The following FOXK2 variants were observed in gnomAD, a reference collection of about 807,000 sequenced individuals.
FOXK2 encodes the protein forkhead box K2, also known as forkhead box protein K2.
In FOXK2, 24 loss-of-function variants were observed where a neutral mutation model predicts 53.3. The ratio of observed to expected loss-of-function variants is 0.45; its 90% CI spans 0.33 to 0.63. FOXK2 has a LOEUF of 0.63. FOXK2 is among the 30% of genes least tolerant of loss of function. The pLI, the probability that FOXK2 is intolerant of heterozygous loss-of-function variation, is 0.03. For synonymous variants in FOXK2, 505 were observed against 407.1 expected (o/e 1.24, Z -2.89); for missense variants, 952 against 910.5 (o/e 1.05, Z -0.59).
In FOXK2 at chr17:82,558,177, G is replaced by A. The variant is rs376874720; in HGVS notation, c.420-5177G>A. 4.2e-4 allele frequency among the ~76,000 whole-genome samples: 64 copies of A among 152,134 alleles called. 1 individual carries two copies. The highest frequency in any genetic ancestry group is 1.5e-3 in the African/African-American group (64 of 41,530). ...GGGAGACCTTGTCTCTACAAAAAAT[G>A]ATAATAATAAAAATTAGCTGAACAT... On this transcript the variant is annotated intron_variant, in intron 1 of 8. Transcript: ENST00000335255.
intron 4 of FOXK2, among the ~76,000 whole-genome samples, chr17:82,573,534 ACACT>A (rs148049239): frequency 2.3e-4 from 24 of 103,592 alleles, no homozygotes; most frequent in South Asian, 7.7e-4. Context: ...ATACACACAC[ACACT>A]CTCTCTCTCT....
intron 2 of FOXK2, among the ~76,000 whole-genome samples, chr17:82,566,483 A>T (rs1306550966): frequency 2.0e-5 from 3 of 152,178 alleles, no homozygotes; most frequent in African/African-American, 7.2e-5. Flanking sequence ...TAAGTGTGCA[A>T]GTGGGTAGGC....
chr17:82,572,866 T>C (rs2044933993), intron 4 of FOXK2, among the ~76,000 whole-genome samples: 1 of 152,138 alleles, frequency 6.6e-6, no homozygotes, highest in South Asian at 2.1e-4. Context: ...TTTTTTGTTT[T>C]AACCACAGAT....
intron 3 of FOXK2, among the ~76,000 whole-genome samples, chr17:82,569,373 A>G (rs1403777567): frequency 2.6e-5 from 4 of 152,220 alleles, no homozygotes; most frequent in Non-Finnish European, 4.4e-5. Context: ...TCTAAGTTGT[A>G]TTGTTTAAGG....
chr17:82,601,051 A>AGCTGTTAATAAAAAT, intron 8 of FOXK2: 1 of 467,778 alleles, frequency 2.1e-6, no homozygotes, highest in South Asian at 4.1e-5. Flanking sequence ...CTAATCAGGC[A>AGCTGTTAATAAAAAT]GTTCACTTGC....
chr17:82,587,373 T>C (rs2045198082), intron 8 of FOXK2, 101 bp downstream of exon 8: 4 of 895,330 alleles, frequency 4.5e-6, no homozygotes, highest in Non-Finnish European at 5.4e-6. Flanking sequence ...TTTTAGCTTT[T>C]GTCTGAGGCA....
At chr17:82,551,177 C>T (rs1176182021) in intron 1 of FOXK2, among the ~76,000 whole-genome samples, 7 of 151,808 alleles carry the variant, frequency 4.6e-5, no homozygotes, top group South Asian at 2.1e-4. Context: ...ATTAGCCGGG[C>T]GTGGTGGCGG....
intron 4 of FOXK2, among the ~76,000 whole-genome samples, chr17:82,573,378 G>C (rs1043444317): frequency 6.6e-6 from 1 of 152,014 alleles, no homozygotes; most frequent in Non-Finnish European, 1.5e-5. Flanking sequence ...CAGCAAGGGG[G>C]TATCTCTTAA....
In FOXK2 at chr17:82,520,150, G is replaced by A. The variant is rs2044345126; in HGVS notation, c.262G>A (p.Gly88Ser). 1.3e-6 allele frequency: 2 copies of A among 1,520,700 alleles called. No homozygotes were observed. Among genetic ancestry groups the A allele is most frequent in the South Asian group, 2.5e-5 (2 of 81,142 alleles). 94.2% of individuals were successfully genotyped at this position (1,520,700 alleles called of 1,614,324 possible). A position where few individuals can be genotyped will look rare whatever the true frequency, so the allele number is the denominator to read the frequency against. ...RHLEIFTPPG[G>S]GGHGGAAPEL... ...CCTCGAGATCTTCACGCCCCCGGGC[G>A]GCGGCGGCCATGGCGGGGCCGCTCC... Residue 88 changes from glycine (G) to serine (S), a missense_variant, in exon 1 of 9, where the codon GGC becomes AGC. By Grantham distance (56) the Gly-to-Ser change is moderately conservative. Coordinates refer to ENST00000335255, the MANE Select transcript of FOXK2 (RefSeq NM_004514.4).
At chr17:82,568,882 G>A (rs1020067171) in intron 3 of FOXK2, among the ~76,000 whole-genome samples, 1 of 152,126 alleles carries the variant, frequency 6.6e-6, no homozygotes, top group Non-Finnish European at 1.5e-5. Context: ...GTGGTGGCAC[G>A]CAGCTGTAAT....
chr17:82,570,026 T>C (rs1254598676), intron 3 of FOXK2, among the ~76,000 whole-genome samples: 3 of 149,568 alleles, frequency 2.0e-5, no homozygotes, highest in African/African-American at 7.5e-5. Flanking sequence ...ATCGAGACCA[T>C]CCTGGCTAAC....
intron 1 of FOXK2, among the ~76,000 whole-genome samples, chr17:82,536,208 T>TA (rs2044519155): frequency 6.6e-6 from 1 of 152,188 alleles, no homozygotes; most frequent in African/African-American, 2.4e-5. Flanking sequence ...TGAGCATATT[T>TA]AAGGCAGTTG....
At chr17:82,527,124 A>G (rs188052976) in intron 1 of FOXK2, among the ~76,000 whole-genome samples, 185 of 152,254 alleles carry the variant, frequency 1.2e-3, no homozygotes, top group African/African-American at 4.3e-3. Context: ...GTTGGCATAA[A>G]TAAAGGGATG....
intron 1 of FOXK2, among the ~76,000 whole-genome samples, chr17:82,554,662 G>A (rs2044706092): frequency 1.3e-5 from 2 of 151,798 alleles, no homozygotes; most frequent in Admixed American, 1.3e-4. Flanking sequence ...TCCATTTTTG[G>A]TCAGACGTCT....
At chr17:82,585,876 G>C in intron 6 of FOXK2, 28 bp from the exon 7 acceptor site, 2 of 1,593,586 alleles carry the variant, frequency 1.3e-6, no homozygotes, top group East Asian at 2.3e-5. Flanking sequence ...GTATCTGTAA[G>C]TGTCAGTCCT....
intron 1 of FOXK2, among the ~76,000 whole-genome samples, chr17:82,535,742 G>GTTTT (rs1339091058): frequency 3.2e-5 from 4 of 123,138 alleles, no homozygotes; most frequent in Admixed American, 1.7e-4. Context: ...TTAGTTGTGT[G>GTTTT]TTTTTGTTTT....
At position 82,588,993 on chromosome 17, in the gene FOXK2, G is replaced by A. The variant is rs1427833526; in HGVS notation, c.1786+1721G>A. 5.3e-5 allele frequency among the ~76,000 whole-genome samples: 8 copies of A among 151,862 alleles called. 1 individual carries two copies. In the South Asian group the frequency reaches 1.0e-3, roughly 20 times the overall value. On this transcript the variant is annotated intron_variant, in intron 8 of 8. Coordinates refer to ENST00000335255, the MANE Select transcript of FOXK2 (RefSeq NM_004514.4). ...AGAATCGCTTGAACCCGAGTGTGGA[G>A]GTTCCAGTGAGATGAGATCATGCCA...
intron 4 of FOXK2, among the ~76,000 whole-genome samples, chr17:82,576,065 G>A (rs1459811396): frequency 8.6e-6 from 1 of 116,896 alleles, no homozygotes; most frequent in African/African-American, 3.6e-5. Flanking sequence ...GGGTGGCGGC[G>A]GCGGGTTCGT....
intron 2 of FOXK2, among the ~76,000 whole-genome samples, chr17:82,566,006 AT>A (rs548699049): frequency 3.2e-4 from 48 of 149,880 alleles, no homozygotes; most frequent in African/African-American, 1.2e-3. Flanking sequence ...AGTCATTGAG[AT>A]TCCTAGAGTA....
Sources: allele counts gnomAD v4.1 joint callset (sites outside exome capture counted in the v4.1 genomes callset), GRCh38; gene constraint gnomAD v4.1.1; transcripts MANE v1.5; gene names NCBI Gene and HGNC (gene_info 2026-07-23, HGNC 2026-07-21).